HSD17B3: variants seen among roughly 807,000 people sequenced by gnomAD.
HSD17B3 encodes the protein hydroxysteroid 17-beta dehydrogenase 3.
A neutral mutation model predicts 41.1 loss-of-function variants in HSD17B3; 29 were observed. The ratio of observed to expected loss-of-function variants is 0.71; its 90% CI spans 0.53 to 0.96. The LOEUF (loss-of-function observed/expected upper bound fraction) is 0.96, where lower values mean the gene tolerates loss of function less well. HSD17B3 is among the 40% of genes least tolerant of loss of function. The pLI, the probability that HSD17B3 is intolerant of heterozygous loss-of-function variation, is 0.00. For synonymous variants in HSD17B3, 126 were observed against 145.6 expected, an observed-to-expected ratio of 0.87 and a Z score of 0.97; for missense variants, 323 against 374.6, an observed-to-expected ratio of 0.86 and a Z score of 1.14.
chr9:96,292,734 T>A (rs1372450512), intron 2 of HSD17B3, among the ~76,000 whole-genome samples: 1 of 152,202 alleles, frequency 6.6e-6, no homozygotes, highest in Non-Finnish European at 1.5e-5. Flanking sequence ...ATGCCAAGAA[T>A]CATTGTATTT....
chr9:96,270,956 G>GT (rs1246728073), intron 2 of HSD17B3, among the ~76,000 whole-genome samples: 3 of 139,686 alleles, frequency 2.1e-5, no homozygotes, highest in African/African-American at 5.8e-5. Context: ...ATCCTCTCGG[G>GT]GGGGGGGGTT....
intron 2 of HSD17B3, among the ~76,000 whole-genome samples, chr9:96,269,301 T>C (rs1248829259): frequency 1.3e-5 from 2 of 152,176 alleles, no homozygotes; most frequent in Non-Finnish European, 2.9e-5. Flanking sequence ...GACCAAAGCA[T>C]TTTGTGCCAC....
At position 96,245,625 on chromosome 9, in the gene HSD17B3, G is replaced by A. The variant is rs2243595; in HGVS notation, c.525-199C>T. On this transcript the variant is annotated intron_variant, in intron 7 of 10. Coordinates refer to ENST00000375263, the MANE Select transcript of HSD17B3 (RefSeq NM_000197.2). ...GGAGGGCGCCACACAGAGATGTCTGGATTTCCGCCGCACAGTGATGCCACC... is the reference window on the plus strand; with the variant it reads ...GGAGGGCGCCACACAGAGATGTCTGAATTTCCGCCGCACAGTGATGCCACC... 0.86 allele frequency among the ~76,000 whole-genome samples: 131,510 copies of A among 152,188 alleles called. 56,939 individuals are homozygous for A. The highest frequency in any genetic ancestry group is 0.9 in the African/African-American group (37,574 of 41,526).
chr9:96,287,401 G>A (rs184053504), intron 2 of HSD17B3, among the ~76,000 whole-genome samples: 270 of 152,250 alleles, frequency 1.8e-3, no homozygotes, highest in African/African-American at 6.1e-3. Flanking sequence ...TGTGACTGTC[G>A]CCAGCCGACC....
At chr9:96,276,166 A>C (rs2130769761) in intron 2 of HSD17B3, among the ~76,000 whole-genome samples, 1 of 151,532 alleles carries the variant, frequency 6.6e-6, no homozygotes, top group South Asian at 2.1e-4. Context: ...TCACAATAGC[A>C]ACAAAAAGAA....
chr9:96,278,423 GTA>G (rs1826557722), intron 2 of HSD17B3, among the ~76,000 whole-genome samples: 1 of 152,110 alleles, frequency 6.6e-6, no homozygotes, highest in African/African-American at 2.4e-5. Context: ...TTATTCATCA[GTA>G]AAGGTGCAAG....
intron 2 of HSD17B3, among the ~76,000 whole-genome samples, chr9:96,268,665 A>G (rs1435208797): frequency 2.6e-5 from 4 of 152,066 alleles, no homozygotes; most frequent in Non-Finnish European, 4.4e-5. Context: ...AAAACTTTGG[A>G]AAGCCAGGCA....
At chr9:96,258,921 T>A (rs1003569373) in intron 2 of HSD17B3, among the ~76,000 whole-genome samples, 1 of 152,230 alleles carries the variant, frequency 6.6e-6, no homozygotes, top group African/African-American at 2.4e-5. Context: ...AGTCTGTTTC[T>A]GTCTTATGTA....
chr9:96,264,749 G>A (rs1179255033), intron 2 of HSD17B3, among the ~76,000 whole-genome samples: 3 of 152,152 alleles, frequency 2.0e-5, no homozygotes, highest in African/African-American at 7.2e-5. Flanking sequence ...TACTTATTAA[G>A]TAAAGTATAC....
chr9:96,266,917 T>C (rs1826060872), intron 2 of HSD17B3, among the ~76,000 whole-genome samples: 1 of 152,072 alleles, frequency 6.6e-6, no homozygotes, highest in Admixed American at 6.6e-5. Flanking sequence ...CTGCGGAATC[T>C]GACCCACCCC....
At chr9:96,263,456 G>T (rs1311792194) in intron 2 of HSD17B3, among the ~76,000 whole-genome samples, 5 of 151,952 alleles carry the variant, frequency 3.3e-5, no homozygotes, top group African/African-American at 1.2e-4. Flanking sequence ...GGTGGCTCAC[G>T]CCTGTAATCC....
intron 2 of HSD17B3, among the ~76,000 whole-genome samples, chr9:96,288,119 GGGATAGGAATGCA>G (rs1826997048): frequency 1.3e-5 from 2 of 152,202 alleles, no homozygotes; most frequent in Non-Finnish European, 2.9e-5. Context: ...CCTAGGGCTA[GGGATAGGAATGCA>G]GGATTAATAG....
At chr9:96,254,222 A>C (rs368294603) in intron 3 of HSD17B3, among the ~76,000 whole-genome samples, 2 of 152,124 alleles carry the variant, frequency 1.3e-5, no homozygotes, top group African/African-American at 4.8e-5. Flanking sequence ...ACATCCTTAC[A>C]TGATGATCCT....
intron 2 of HSD17B3, among the ~76,000 whole-genome samples, chr9:96,281,686 G>T (rs1826697552): frequency 6.6e-6 from 1 of 152,180 alleles, no homozygotes; most frequent in African/African-American, 2.4e-5. Context: ...GGCATGTACA[G>T]CATTGTGGTA....
intron 2 of HSD17B3, among the ~76,000 whole-genome samples, chr9:96,276,061 A>G (rs1430330011): frequency 2.7e-5 from 4 of 146,306 alleles, no homozygotes; most frequent in African/African-American, 1.0e-4. Flanking sequence ...AGTCATGATC[A>G]CACCACTGCA....
intron 2 of HSD17B3, among the ~76,000 whole-genome samples, chr9:96,266,393 C>G (rs1265846040): frequency 6.6e-6 from 1 of 152,164 alleles, no homozygotes; most frequent in Non-Finnish European, 1.5e-5. Context: ...CCACCTCAGC[C>G]TCCTGAGTAG....
intron 2 of HSD17B3, among the ~76,000 whole-genome samples, chr9:96,295,320 G>A (rs1827314477): frequency 7.0e-6 from 1 of 143,668 alleles, no homozygotes. Flanking sequence ...GAGTTTTTTG[G>A]TTTGTTTTTG....
At chr9:96,270,297 CAG>C (rs1204751801) in intron 2 of HSD17B3, among the ~76,000 whole-genome samples, 1 of 150,612 alleles carries the variant, frequency 6.6e-6, no homozygotes, top group Non-Finnish European at 1.5e-5. Context: ...GAGACAGAGA[CAG>C]AGAGAGAAAG....
chr9:96,253,985 G>A lies in HSD17B3; in HGVS notation c.277+883C>T, dbSNP rs573072607. Among the ~76,000 whole-genome samples the A allele has an allele frequency of 7.9e-5, 12 of 152,046 alleles. No individual in the cohort carries two copies. The South Asian group carries it at 2.5e-3, about 32-fold the overall frequency. On this transcript the variant is annotated intron_variant, in intron 3 of 10. Coordinates refer to ENST00000375263, the MANE Select transcript of HSD17B3 (RefSeq NM_000197.2). Reference sequence around the variant, plus strand: ...TCCCAAATCTCCCCCAGGGAAACAAGGCTCACCCCTGACAGCCCACCATAG... The same window carrying A: ...TCCCAAATCTCCCCCAGGGAAACAAAGCTCACCCCTGACAGCCCACCATAG...
Sources: allele counts gnomAD v4.1 joint callset (sites outside exome capture counted in the v4.1 genomes callset), GRCh38; gene constraint gnomAD v4.1.1; transcripts MANE v1.5; gene names NCBI Gene and HGNC (gene_info 2026-07-23, HGNC 2026-07-21).